The following DNAAF11 variants were observed in gnomAD, a reference collection of about 807,000 sequenced individuals.
DNAAF11 encodes the protein leucine rich repeat containing 6.
In DNAAF11, 45 loss-of-function variants were observed where a neutral mutation model predicts 60.8. The observed-to-expected ratio is 0.74, with a 90% CI of 0.58 to 0.95. The LOEUF (loss-of-function observed/expected upper bound fraction) is 0.95. Among genes scored for constraint, DNAAF11 ranks in the 40% least tolerant of loss-of-function variants. The probability of loss-of-function intolerance (pLI) is 0.00; values close to 1 mark genes in which losing one functional copy is unlikely to be tolerated. For missense variants in DNAAF11, 546 were observed against 546.2 expected, an observed-to-expected ratio of 1.00 and a Z score of 0.00; for synonymous variants, 191 against 183.5, an observed-to-expected ratio of 1.04 and a Z score of -0.33.
the DNAAF11 span, among the ~76,000 whole-genome samples, chr8:132,691,973 T>A: frequency 1.3e-5 from 2 of 152,182 alleles, no homozygotes; most frequent in African/African-American, 4.8e-5. Flanking sequence ...GGAGATCATT[T>A]TTTGGAACAT....
chr8:132,661,891 G>A (rs979544887), intron 1 of DNAAF11, among the ~76,000 whole-genome samples: 2 of 152,164 alleles, frequency 1.3e-5, no homozygotes, highest in Admixed American at 6.5e-5. Context: ...ACATTTTGCT[G>A]TATGGATGGA....
At chr8:132,614,847 T>C (rs1221761507) in intron 8 of DNAAF11, among the ~76,000 whole-genome samples, 191 bp downstream of exon 8, 1 of 152,250 alleles carries the variant, frequency 6.6e-6, no homozygotes, top group Admixed American at 6.5e-5. Context: ...CATGAAATTG[T>C]GGCTTTATTT....
At chr8:132,628,099 T>C (rs1048716331) in intron 5 of DNAAF11, among the ~76,000 whole-genome samples, 4 of 152,116 alleles carry the variant, frequency 2.6e-5, no homozygotes, top group Non-Finnish European at 4.4e-5. Context: ...CCTTCTACCA[T>C]GTCTACTTGT....
chr8:132,616,229 G>A (rs1439794412), intron 7 of DNAAF11, among the ~76,000 whole-genome samples: 1 of 152,116 alleles, frequency 6.6e-6, no homozygotes, highest in Non-Finnish European at 1.5e-5. Context: ...GGCCTCCCTT[G>A]CAGGTGGGTG....
At chr8:132,694,176 G>A in the DNAAF11 span, among the ~76,000 whole-genome samples, 1 of 152,194 alleles carries the variant, frequency 6.6e-6, no homozygotes, top group African/African-American at 2.4e-5. Context: ...AGGATCCTGT[G>A]CATCAGATGT....
At chr8:132,604,768 A>G (rs1465835026) in intron 10 of DNAAF11, among the ~76,000 whole-genome samples, 2 of 152,160 alleles carry the variant, frequency 1.3e-5, no homozygotes, top group East Asian at 3.8e-4. Flanking sequence ...AACCCCAACC[A>G]AAATAGAAAC....
At chr8:132,666,854 C>T (rs1824686531) in intron 1 of DNAAF11, among the ~76,000 whole-genome samples, 2 of 152,080 alleles carry the variant, frequency 1.3e-5, no homozygotes, top group Admixed American at 1.3e-4. Flanking sequence ...TCAGGGATAC[C>T]CACAGCTTCT....
At chr8:132,637,292 C>T (rs1215089796) in intron 4 of DNAAF11, among the ~76,000 whole-genome samples, 5 of 152,194 alleles carry the variant, frequency 3.3e-5, no homozygotes, top group Non-Finnish European at 7.3e-5. Context: ...AAGGCCTCCA[C>T]GTGCTCTGAT....
intron 5 of DNAAF11, among the ~76,000 whole-genome samples, chr8:132,629,289 C>T (rs1820570846): frequency 1.3e-5 from 2 of 151,782 alleles, no homozygotes; most frequent in Non-Finnish European, 2.9e-5. Flanking sequence ...AGAAATTGCA[C>T]ACATTCTTTT....
chr8:132,698,031 G>T, the DNAAF11 span, among the ~76,000 whole-genome samples: 29 of 152,154 alleles, frequency 1.9e-4, no homozygotes, highest in Non-Finnish European at 4.4e-5. Context: ...AGCACAAGTG[G>T]AAAACATCCT....
the DNAAF11 span, chr8:132,687,641 T>C: frequency 3.3e-5 from 15 of 456,092 alleles, no homozygotes; most frequent in Non-Finnish European, 6.2e-5. Context: ...CATCGTGTGG[T>C]TGGCATTGTT....
chr8:132,613,763 T>C (rs1009116046), intron 8 of DNAAF11, among the ~76,000 whole-genome samples: 1 of 152,216 alleles, frequency 6.6e-6, no homozygotes, highest in African/African-American at 2.4e-5. Context: ...CGGTCCCTGT[T>C]CACTTTGACA....
intron 4 of DNAAF11, among the ~76,000 whole-genome samples, chr8:132,636,625 G>A (rs544972192): frequency 5.9e-5 from 9 of 152,110 alleles, no homozygotes; most frequent in South Asian, 2.1e-4. Context: ...GCTCAGCTGC[G>A]GTGGCCATGA....
Position 132,638,234 on chromosome 8 carries a change from C to T in DNAAF11, c.257-127G>A, listed in dbSNP as rs545078179. The stretch of plus-strand genomic sequence containing the variant: ...TTCAGTCTGCTGATTTATTGCATTG[C>T]TCACCATGAAGTGATTCTTCAGAAA... On this transcript the variant is annotated intron_variant, in intron 3 of 11. Transcript: ENST00000620350. 6.8e-5 allele frequency: 46 copies of T among 673,984 alleles called. No individual in the cohort carries two copies. The South Asian group carries it at 8.1e-4, about 12-fold the overall frequency. The allele number at this position is 673,984 out of a possible 1,614,324, so 41.8% of individuals were successfully genotyped here. A position where few individuals can be genotyped will look rare whatever the true frequency, so the allele number is the denominator to read the frequency against.
chr8:132,580,142 A>G (rs1815176381), intron 11 of DNAAF11, among the ~76,000 whole-genome samples: 1 of 152,194 alleles, frequency 6.6e-6, no homozygotes, highest in Non-Finnish European at 1.5e-5. Context: ...CACTACAATT[A>G]CTATGTTTAA....
chr8:132,679,867 A>G (rs1440450096), upstream of DNAAF11, among the ~76,000 whole-genome samples: 1 of 152,194 alleles, frequency 6.6e-6, no homozygotes, highest in African/African-American at 2.4e-5. Context: ...CTGTAAGTCC[A>G]GTTAAACCTC....
intron 1 of DNAAF11, among the ~76,000 whole-genome samples, chr8:132,672,869 A>C (rs563681066): frequency 4.6e-5 from 7 of 152,340 alleles, no homozygotes; most frequent in Non-Finnish European, 7.3e-5. Flanking sequence ...ACACTGGCTG[A>C]ATCAATGTTC....
chr8:132,675,607 A>C (rs1280727262), upstream of DNAAF11: 6 of 1,166,198 alleles, frequency 5.1e-6, no homozygotes, highest in African/African-American at 9.5e-5. Flanking sequence ...AGCCATGGCA[A>C]CGGGGACTCT....
chr8:132,677,328 T>G (rs1044722189), upstream of DNAAF11, among the ~76,000 whole-genome samples: 1 of 152,160 alleles, frequency 6.6e-6, no homozygotes, highest in Admixed American at 6.5e-5. Flanking sequence ...GACAAAAGCA[T>G]GAGGTCAGGC....
Sources: allele counts gnomAD v4.1 joint callset (sites outside exome capture counted in the v4.1 genomes callset), GRCh38; gene constraint gnomAD v4.1.1; transcripts MANE v1.5; gene names NCBI Gene and HGNC (gene_info 2026-07-23, HGNC 2026-07-21).